PHLDB2: variants seen among roughly 807,000 people sequenced by gnomAD.
PHLDB2 encodes the protein pleckstrin homology-like domain family B member 2.
A neutral mutation model predicts 123.6 loss-of-function variants in PHLDB2; 71 were observed. That is an observed-to-expected ratio of 0.57 (90% confidence interval 0.47 to 0.70). The LOEUF is 0.70. PHLDB2 is among the 30% of genes least tolerant of loss of function. The probability of loss-of-function intolerance (pLI) is 0.00; values close to 1 mark genes in which losing one functional copy is unlikely to be tolerated. For missense variants in PHLDB2, 1,446 were observed against 1,519.5 expected (o/e 0.95, Z 0.80); for synonymous variants, 547 against 541.6 (o/e 1.01, Z -0.14).
rs5851783 is a variant in PHLDB2, at chr3:111,767,030, C to CAA, written c.-49+34349_-49+34350dup. On this transcript the variant is annotated intron_variant, in intron 1 of 17. Transcript: ENST00000393923. ...TGGGCAACAGAGCCTGACTTCATCT[C>CAA]AAAAAAAAAAAAAAAAAAAAAAAGC... Among the ~76,000 whole-genome samples the CAA allele has an allele frequency of 8.3e-3, 525 of 62,962 alleles. 10 individuals are homozygous for CAA. The highest frequency in any genetic ancestry group is 0.028 in the African/African-American group (492 of 17,674). 41.3% of individuals were successfully genotyped at this position (62,962 alleles called of 152,430 possible).
At position 111,913,501 on chromosome 3, in the gene PHLDB2, C is replaced by T. The variant is rs1483786829; in HGVS notation, c.1518C>T (p.Tyr506=). The change falls in exon 3 of 18, where the codon TAC becomes TAT. Residue 506 remains tyrosine (Y), a synonymous_variant. Transcript: ENST00000431670. ...EEALMSPDTR[Y]RCHRKDSLPD... is the part of the protein sequence containing the mutation. ...CCCTCATGAGCCCTGACACAAGATACAGGTGCCACCGGAAAGACTCCCTCC... is the reference window on the plus strand; with the variant it reads ...CCCTCATGAGCCCTGACACAAGATATAGGTGCCACCGGAAAGACTCCCTCC... 2 of 1,614,028 alleles carry T rather than the reference C, an allele frequency of 1.2e-6. No homozygotes were observed. The highest frequency in any genetic ancestry group is 1.1e-5 in the South Asian group (1 of 91,084).
At position 111,952,136 on chromosome 3, in the gene PHLDB2, T is replaced by C. The variant is rs578068642; in HGVS notation, c.2632-436T>C. ...TATTACAACTTTCAAACAACTTCCC[T>C]GTTTACTCGCTTTTTCTCTTTTTCT... is the stretch of plus-strand genomic sequence containing the variant. On this transcript the variant is annotated intron_variant, in intron 10 of 17. Coordinates refer to ENST00000431670, the MANE Select transcript of PHLDB2 (RefSeq NM_001134438.2). Among the ~76,000 whole-genome samples, 85 of 93,126 alleles carry C rather than the reference T, an allele frequency of 9.1e-4. 2 individuals are homozygous for C. The South Asian group carries it at 0.021, about 23-fold the overall frequency. The allele number at this position is 93,126 out of a possible 152,430, so 61.1% of individuals were successfully genotyped here.
At chr3:111,883,094 G>A (rs137942500) in intron 1 of PHLDB2, among the ~76,000 whole-genome samples, 3 of 152,286 alleles carry the variant, frequency 2.0e-5, no homozygotes, top group African/African-American at 7.2e-5. Context: ...TGTTTAAACT[G>A]TATTTTCCCT....
intron 1 of PHLDB2, among the ~76,000 whole-genome samples, chr3:111,836,588 G>C (rs528967614): frequency 6.6e-6 from 1 of 152,124 alleles, no homozygotes; most frequent in African/African-American, 2.4e-5. Context: ...AAAGAATCTC[G>C]TATTAGTCCA....
chr3:111,940,069 A>T (rs1383423599), intron 7 of PHLDB2, among the ~76,000 whole-genome samples: 1 of 152,148 alleles, frequency 6.6e-6, no homozygotes, highest in Non-Finnish European at 1.5e-5. Flanking sequence ...AACCCCTAGC[A>T]CTTAGATATC....
At chr3:111,799,154 C>T (rs2061285855) in intron 1 of PHLDB2, among the ~76,000 whole-genome samples, 1 of 152,190 alleles carries the variant, frequency 6.6e-6, no homozygotes, top group Admixed American at 6.5e-5. Context: ...GATTCCATTA[C>T]TTCCCACTGG....
At chr3:111,832,517 G>T (rs866514525) in intron 1 of PHLDB2, among the ~76,000 whole-genome samples, 2 of 149,650 alleles carry the variant, frequency 1.3e-5, no homozygotes, top group Non-Finnish European at 1.5e-5. Flanking sequence ...GTTATTTTCC[G>T]ACACTTAGGC....
intron 1 of PHLDB2, among the ~76,000 whole-genome samples, chr3:111,789,128 C>T (rs1475011454): frequency 5.9e-5 from 9 of 152,096 alleles, no homozygotes; most frequent in African/African-American, 1.4e-4. Context: ...TTTATCAAGG[C>T]GATGGAAAAA....
At chr3:111,854,436 T>C (rs1425483357), upstream of PHLDB2, among the ~76,000 whole-genome samples, 1 of 152,210 alleles carries the variant, frequency 6.6e-6, no homozygotes, top group East Asian at 1.9e-4. Flanking sequence ...CTTGATTCAT[T>C]AAATCATCAT....
At chr3:111,772,728 A>T (rs1481700208) in intron 1 of PHLDB2, among the ~76,000 whole-genome samples, 1 of 151,978 alleles carries the variant, frequency 6.6e-6, no homozygotes, top group East Asian at 1.9e-4. Context: ...CGTTTTCTTT[A>T]CCGAAGGGCT....
intron 1 of PHLDB2, among the ~76,000 whole-genome samples, chr3:111,806,606 C>G (rs2061600614): frequency 1.3e-5 from 2 of 151,850 alleles, no homozygotes; most frequent in Non-Finnish European, 2.9e-5. Flanking sequence ...TGCCTTCAGC[C>G]TCTCAAGTAA....
intron 1 of PHLDB2, among the ~76,000 whole-genome samples, chr3:111,774,622 A>C (rs980417684): frequency 1.1e-4 from 17 of 152,194 alleles, no homozygotes; most frequent in Non-Finnish European, 2.5e-4. Context: ...AAAATTGCTG[A>C]AATAAAGCTG....
At chr3:111,886,090 G>T (rs2107339976) in intron 2 of PHLDB2, among the ~76,000 whole-genome samples, 1 of 152,300 alleles carries the variant, frequency 6.6e-6, no homozygotes, top group Non-Finnish European at 1.5e-5. Context: ...ACCAATGAAT[G>T]AGAACAAACA....
chr3:111,790,856 A>C (rs2060888627), intron 1 of PHLDB2, among the ~76,000 whole-genome samples: 1 of 152,220 alleles, frequency 6.6e-6, no homozygotes, highest in Admixed American at 6.5e-5. Context: ...AAACATTTTC[A>C]AGAAAACCAC....
At chr3:111,941,583 G>C (rs965886681) in intron 8 of PHLDB2, among the ~76,000 whole-genome samples, 1 of 152,228 alleles carries the variant, frequency 6.6e-6, no homozygotes, top group African/African-American at 2.4e-5. Context: ...GAAGCAGGCA[G>C]ATCACTTGAG....
At chr3:111,771,208 G>A (rs555783416) in intron 1 of PHLDB2, among the ~76,000 whole-genome samples, 2 of 152,292 alleles carry the variant, frequency 1.3e-5, no homozygotes, top group African/African-American at 2.4e-5. Flanking sequence ...ACATAATTTC[G>A]ATTTCAAAAT....
intron 5 of PHLDB2, among the ~76,000 whole-genome samples, chr3:111,922,051 G>T (rs999845746): frequency 6.6e-6 from 1 of 152,158 alleles, no homozygotes; most frequent in African/African-American, 2.4e-5. Flanking sequence ...TTCATTGGAG[G>T]CATCAGATGT....
At chr3:111,896,641 G>A (rs915143460) in intron 2 of PHLDB2, among the ~76,000 whole-genome samples, 3 of 151,982 alleles carry the variant, frequency 2.0e-5, no homozygotes, top group East Asian at 1.9e-4. Flanking sequence ...GTGAGCCACC[G>A]CGTCCAGGCT....
intron 12 of PHLDB2, chr3:111,958,653 C>A: frequency 2.2e-6 from 1 of 450,422 alleles, no homozygotes; most frequent in Non-Finnish European, 4.4e-6. Context: ...TTGCTTTATA[C>A]ACCTTATAAA....
Sources: allele counts gnomAD v4.1 joint callset (sites outside exome capture counted in the v4.1 genomes callset), GRCh38; gene constraint gnomAD v4.1.1; transcripts MANE v1.5; gene names NCBI Gene and HGNC (gene_info 2026-07-23, HGNC 2026-07-21).